Variants in LRRC49 observed in about 807,000 individuals in gnomAD.
LRRC49 encodes leucine rich repeat containing 49, also known as leucine-rich repeat-containing protein 49.
A neutral mutation model predicts 83.3 loss-of-function variants in LRRC49; 50 were observed. The ratio of observed to expected loss-of-function variants is 0.60; its 90% CI spans 0.48 to 0.76. LRRC49 has a LOEUF of 0.76. LRRC49 is among the 30% of genes least tolerant of loss of function. The pLI, the probability that LRRC49 is intolerant of heterozygous loss-of-function variation, is 0.00. For missense variants in LRRC49, 704 were observed against 809.1 expected (o/e 0.87, Z 1.58); for synonymous variants, 286 against 283.3 (o/e 1.01, Z -0.10).
At chr15:71,015,623 A>G (rs1035435447) in intron 14 of LRRC49, among the ~76,000 whole-genome samples, 1 of 152,226 alleles carries the variant, frequency 6.6e-6, no homozygotes, top group Admixed American at 6.5e-5. Flanking sequence ...TCCAAGCCCC[A>G]GGCTGTGGAC....
intron 9 of LRRC49, 60 bp downstream of exon 9, chr15:70,963,992 G>T: frequency 6.6e-7 from 1 of 1,510,090 alleles, no homozygotes; most frequent in Admixed American, 1.8e-5. Flanking sequence ...TAGGAAATTG[G>T]GATGCATATT....
intron 8 of LRRC49, 79 bp downstream of exon 8, chr15:70,936,901 A>C (rs543669063): frequency 7.0e-5 from 62 of 891,746 alleles, no homozygotes; most frequent in Middle Eastern, 6.7e-4. Flanking sequence ...GATTGTAAAT[A>C]CCTTGGAGAA....
At chr15:70,958,587 A>G (rs1031267967) in intron 8 of LRRC49, among the ~76,000 whole-genome samples, 15 of 152,364 alleles carry the variant, frequency 9.8e-5, no homozygotes, top group African/African-American at 3.6e-4. Context: ...AGATTTTTAT[A>G]CTGATGAAGA....
rs375624787 is a variant in LRRC49 at position 70,984,148 on chromosome 15, C to A, written c.1060C>A (p.Gln354Lys). The A allele has an allele frequency of 5.6e-6, 9 of 1,613,014 alleles. No individual in the cohort carries two copies. In the African/African-American group the frequency reaches 1.2e-4, roughly 22 times the overall value. ...NVARQWDLQQ[Q>K]RVANIATNED... ...AGCTCGACAGTGGGACTTGCAACAA[C>A]AACGAGTAGCCAATATTGCTACAAA... The change falls in exon 11 of 16, where the codon CAA becomes AAA. Residue 354 changes from glutamine to lysine, a missense_variant. Around this residue, in one of 3 missense-constraint regions of LRRC49, gnomAD observed 168 missense variants for 140.6 expected, o/e 1.20. Transcript: ENST00000260382.
chr15:70,858,756 C>A (rs1290114011), intron 1 of LRRC49: 4 of 1,155,280 alleles, frequency 3.5e-6, no homozygotes, highest in Non-Finnish European at 5.0e-6. Flanking sequence ...ATGTCCACCT[C>A]TGGCCCCCGG....
At chr15:71,024,389 G>A (rs929956202) in intron 14 of LRRC49, among the ~76,000 whole-genome samples, 1 of 152,150 alleles carries the variant, frequency 6.6e-6, no homozygotes, top group Admixed American at 6.5e-5. Context: ...CTAGGACAGA[G>A]ACCCCGGAGG....
At chr15:71,042,253 A>T (rs957212942) in intron 15 of LRRC49, among the ~76,000 whole-genome samples, 1 of 152,168 alleles carries the variant, frequency 6.6e-6, no homozygotes, top group Non-Finnish European at 1.5e-5. Context: ...CCTTCCAAGT[A>T]GCTGAAACTA....
At chr15:71,004,549 C>T (rs1187885291) in intron 11 of LRRC49, among the ~76,000 whole-genome samples, 1 of 151,580 alleles carries the variant, frequency 6.6e-6, no homozygotes, top group Non-Finnish European at 1.5e-5. Context: ...ACTCGGGAGG[C>T]TGAGACACAA....
chr15:70,936,632 G>A (rs1390836072), intron 7 of LRRC49, 129 bp from the exon 8 acceptor site: 1 of 649,834 alleles, frequency 1.5e-6, no homozygotes, highest in Admixed American at 2.3e-5. Flanking sequence ...TCACTGTCCA[G>A]TAGAAATCAG....
At position 70,944,475 on chromosome 15, in the gene LRRC49, G is replaced by T. The variant is rs186913660; in HGVS notation, c.773+7653G>T. Among the ~76,000 whole-genome samples the T allele has an allele frequency of 4.6e-5, 7 of 152,098 alleles. No homozygotes were observed. In the East Asian group the frequency reaches 1.4e-3, roughly 29 times the overall value. On this transcript the variant is annotated intron_variant, in intron 8 of 15. Coordinates refer to ENST00000260382, the MANE Select transcript of LRRC49 (RefSeq NM_017691.5). ...GCTGTAGTGCACTGGCGCGATCTCC[G>T]TTCACCGCAACCTCCGCCTCCAGGG...
chr15:71,031,971 C>T (rs1395178457), intron 14 of LRRC49, among the ~76,000 whole-genome samples: 1 of 152,162 alleles, frequency 6.6e-6, no homozygotes, highest in Admixed American at 6.5e-5. Context: ...ACTTGGCTTC[C>T]TGGCTTCAGA....
intron 10 of LRRC49, among the ~76,000 whole-genome samples, chr15:70,983,206 G>T (rs1039434499): frequency 2.0e-5 from 3 of 151,922 alleles, no homozygotes; most frequent in African/African-American, 7.3e-5. Context: ...AAATTGAATA[G>T]AAACGTTTCA....
chr15:70,943,498 T>C (rs2035896057), intron 8 of LRRC49, among the ~76,000 whole-genome samples: 1 of 152,196 alleles, frequency 6.6e-6, no homozygotes, highest in East Asian at 1.9e-4. Flanking sequence ...GTTGGCATAC[T>C]TCCCAGGTCT....
intron 15 of LRRC49, among the ~76,000 whole-genome samples, chr15:71,047,748 A>AT (rs2039894181): frequency 6.6e-6 from 1 of 152,016 alleles, no homozygotes; most frequent in South Asian, 2.1e-4. Flanking sequence ...ACTATCTGTG[A>AT]TTTTTAGGAT....
chr15:70,853,836 C>G lies in LRRC49; in HGVS notation c.-299+367C>G, dbSNP rs898864640. 2.5e-6 allele frequency: 3 copies of G among 1,189,618 alleles called. No individual in the cohort carries two copies. The African/African-American group carries it at 4.8e-5, about 19-fold the overall frequency. The allele number at this position is 1,189,618 out of a possible 1,614,324, so 73.7% of individuals were successfully genotyped here. A position where few individuals can be genotyped will look rare whatever the true frequency, so the allele number is the denominator to read the frequency against. ...GCGCAGTCAGCGCCCCGAACTCGCG[C>G]GCGGCCCGGCGCCCCCTCGGGGCCC... On this transcript the variant is annotated intron_variant, in intron 1 of 16. Coordinates refer to the LRRC49 transcript ENST00000544974.
chr15:71,023,800 G>A (rs1433080310), intron 14 of LRRC49, among the ~76,000 whole-genome samples: 3 of 152,240 alleles, frequency 2.0e-5, no homozygotes, highest in Non-Finnish European at 4.4e-5. Context: ...GCTGGAGACT[G>A]CCTAAGACTA....
chr15:71,033,344 A>G (rs945365046), intron 14 of LRRC49, among the ~76,000 whole-genome samples: 4 of 151,898 alleles, frequency 2.6e-5, no homozygotes, highest in Admixed American at 6.6e-5. Flanking sequence ...TGCTTGTTCT[A>G]TTTTCAAGAA....
intron 3 of LRRC49, among the ~76,000 whole-genome samples, chr15:70,897,484 A>G (rs1251812125): frequency 6.6e-6 from 1 of 152,186 alleles, no homozygotes; most frequent in Non-Finnish European, 1.5e-5. Flanking sequence ...AGGCAGTTTC[A>G]TGCAAAGAAG....
intron 11 of LRRC49, among the ~76,000 whole-genome samples, chr15:71,002,312 TG>T (rs34495237): frequency 7.8e-4 from 119 of 151,650 alleles, no homozygotes; most frequent in Non-Finnish European, 1.5e-3. Context: ...CTTTGGCTTA[TG>T]GGGGGGGCGT....
Sources: gnomAD v4.1 joint callset for allele counts (sites outside exome capture counted in the v4.1 genomes callset) on GRCh38, gnomAD v4.1.1 for gene constraint, gnomAD v4.1.1 regional missense constraint, MANE v1.5 for transcripts, NCBI Gene and HGNC (gene_info 2026-07-23, HGNC 2026-07-21) for gene names.